The following SORCS3 variants were observed in gnomAD, a reference collection of about 807,000 sequenced individuals.
SORCS3 encodes the protein sortilin related VPS10 domain containing receptor 3, also known as VPS10 domain-containing receptor SorCS3.
SORCS3 carries 57 observed loss-of-function variants against 146.3 expected under a neutral mutation model. That is an observed-to-expected ratio of 0.39 (90% CI 0.31 to 0.49). SORCS3 has a LOEUF of 0.49. Ranked by LOEUF, SORCS3 falls within the 20% of genes least tolerant of loss-of-function variation. The pLI, the probability that SORCS3 is intolerant of heterozygous loss-of-function variation, is 0.92. For synonymous variants in SORCS3, 653 were observed against 618.5 expected (o/e 1.06, Z -0.83); for missense variants, 1,341 against 1,575.5 (o/e 0.85, Z 2.52).
At chr10:105,259,169 T>A (rs752376945) in intron 25 of SORCS3, among the ~76,000 whole-genome samples, 1 of 152,220 alleles carries the variant, frequency 6.6e-6, no homozygotes, top group Non-Finnish European at 1.5e-5. Context: ...TCATCAGTAC[T>A]GTTTAATACA....
chr10:104,993,010 A>C (rs888369069), intron 4 of SORCS3, among the ~76,000 whole-genome samples: 1 of 152,196 alleles, frequency 6.6e-6, no homozygotes, highest in Admixed American at 6.5e-5. Context: ...AGAAAGGGAA[A>C]AATTATCGAG....
chr10:104,702,245 T>C (rs537129478), intron 1 of SORCS3, among the ~76,000 whole-genome samples: 5 of 152,286 alleles, frequency 3.3e-5, no homozygotes, highest in Admixed American at 6.5e-5. Context: ...TCCAGTTCCC[T>C]TCCTTTTCCC....
At chr10:105,190,450 G>A (rs1001074233) in intron 14 of SORCS3, among the ~76,000 whole-genome samples, 4 of 152,240 alleles carry the variant, frequency 2.6e-5, no homozygotes, top group South Asian at 2.1e-4. Context: ...CTGTCACCTC[G>A]GCTGGAGTGC....
chr10:104,757,724 C>T (rs183176214), intron 1 of SORCS3, among the ~76,000 whole-genome samples: 131 of 152,046 alleles, frequency 8.6e-4, no homozygotes, highest in African/African-American at 2.8e-3. Flanking sequence ...TTCTTTCTTT[C>T]GAGTTCTCAT....
intron 1 of SORCS3, among the ~76,000 whole-genome samples, chr10:104,766,438 T>C (rs1188563339): frequency 1.3e-5 from 2 of 152,254 alleles, no homozygotes; most frequent in African/African-American, 4.8e-5. Context: ...GCACATTGCA[T>C]TCACAGTGCT....
intron 1 of SORCS3, 90 bp downstream of exon 1, chr10:104,642,044 C>T (rs2015427537): frequency 2.2e-6 from 3 of 1,393,142 alleles, no homozygotes; most frequent in South Asian, 1.4e-5. Flanking sequence ...GATAGTTGCT[C>T]GGGGGTCGAG....
At chr10:105,112,533 A>G (rs2133758279) in intron 7 of SORCS3, among the ~76,000 whole-genome samples, 1 of 152,306 alleles carries the variant, frequency 6.6e-6, no homozygotes, top group East Asian at 1.9e-4. Flanking sequence ...TGGAGAAGCT[A>G]CACAGATGCT....
chr10:105,180,181 AATC>A (rs1406303946), intron 14 of SORCS3, among the ~76,000 whole-genome samples: 1 of 152,220 alleles, frequency 6.6e-6, no homozygotes, highest in Non-Finnish European at 1.5e-5. Context: ...GGGATAAAGT[AATC>A]ATCATGGTAC....
At chr10:104,654,714 A>G (rs191615117) in intron 1 of SORCS3, among the ~76,000 whole-genome samples, 2 of 152,286 alleles carry the variant, frequency 1.3e-5, no homozygotes, top group East Asian at 1.9e-4. Flanking sequence ...ATCATGTGCT[A>G]TTTGGCATTA....
Position 105,214,485 on chromosome 10 carries a change from G to A in SORCS3, c.2419G>A (p.Glu807Lys), listed in dbSNP as rs138480176. ...VSNNCTDGLREKYTAKAQMCP... is the reference protein window; with the variant it reads ...VSNNCTDGLRKKYTAKAQMCP... ...CAACAACTGCACAGATGGGCTAAGG[G>A]AGAAGTACACCGCCAAGGCCCAGAT... is the stretch of plus-strand genomic sequence containing the variant. The change falls in exon 18 of 27, where the codon GAG becomes AAG. Residue 807 changes from glutamate (E) to lysine (K), a missense_variant. By Grantham distance (56) the Glu-to-Lys change is moderately conservative. Transcript: ENST00000369701. 1.2e-6 allele frequency: 2 copies of A among 1,614,194 alleles called. No homozygotes were observed. Among genetic ancestry groups the A allele is most frequent in the African/African-American group, 2.7e-5 (2 of 75,062 alleles).
rs185335167 is a variant in SORCS3, at chr10:104,801,259, G to A, written c.628-41533G>A. ...TTCATATGGAAGTTTGGGCTACTAA[G>A]TTAGGGCACAGTCACTTCTATTAGT... On this transcript the variant is annotated intron_variant, in intron 1 of 26. Coordinates refer to ENST00000369701, the MANE Select transcript of SORCS3 (RefSeq NM_014978.3). Among the ~76,000 whole-genome samples the A allele has an allele frequency of 3.2e-4, 49 of 152,330 alleles. 1 individual carries two copies. In the East Asian group the frequency reaches 5.8e-3, roughly 18 times the overall value.
chr10:105,082,932 G>T (rs904273561), intron 5 of SORCS3, among the ~76,000 whole-genome samples: 1 of 152,020 alleles, frequency 6.6e-6, no homozygotes, highest in Non-Finnish European at 1.5e-5. Context: ...GTTTCATCAT[G>T]TTGGTCAGGC....
chr10:104,810,289 C>T (rs1473694291), intron 1 of SORCS3, among the ~76,000 whole-genome samples: 1 of 152,096 alleles, frequency 6.6e-6, no homozygotes, highest in African/African-American at 2.4e-5. Context: ...CTGTCACGCA[C>T]TGGAGATTAT....
chr10:104,975,208 A>G (rs1414925021), intron 3 of SORCS3, among the ~76,000 whole-genome samples: 5 of 152,198 alleles, frequency 3.3e-5, no homozygotes, highest in African/African-American at 4.8e-5. Flanking sequence ...CAACTTCAGC[A>G]AAGTCTCAGG....
chr10:105,132,361 A>G (rs1374237370), intron 7 of SORCS3, among the ~76,000 whole-genome samples: 1 of 152,200 alleles, frequency 6.6e-6, no homozygotes, highest in Non-Finnish European at 1.5e-5. Flanking sequence ...TCATGAAAGT[A>G]AAGCACCCAA....
chr10:105,084,354 T>C (rs1049988475), intron 5 of SORCS3, among the ~76,000 whole-genome samples: 1 of 152,226 alleles, frequency 6.6e-6, no homozygotes, highest in Admixed American at 6.5e-5. Context: ...ACCATTATTA[T>C]ATATACTTTC....
chr10:105,255,843 G>T, intron 24 of SORCS3, 42 bp downstream of exon 24: 1 of 1,463,268 alleles, frequency 6.8e-7, no homozygotes, highest in Non-Finnish European at 9.5e-7. Context: ...AAGAGGATCT[G>T]TTATCCCAGA....
At chr10:104,770,051 C>T (rs1224287731) in intron 1 of SORCS3, among the ~76,000 whole-genome samples, 2 of 152,120 alleles carry the variant, frequency 1.3e-5, no homozygotes, top group Non-Finnish European at 2.9e-5. Context: ...GATTTCAAGA[C>T]AATTTCATCA....
At chr10:104,643,041 C>A (rs958003202) in intron 1 of SORCS3, among the ~76,000 whole-genome samples, 3 of 152,236 alleles carry the variant, frequency 2.0e-5, no homozygotes, top group Non-Finnish European at 4.4e-5. Flanking sequence ...TCCCCGACTT[C>A]CCTCCCTCCC....
Sources: gnomAD v4.1 joint callset for allele counts (sites outside exome capture counted in the v4.1 genomes callset) on GRCh38, gnomAD v4.1.1 for gene constraint, MANE v1.5 for transcripts, NCBI Gene and HGNC (gene_info 2026-07-23, HGNC 2026-07-21) for gene names.